Variants in KIAA1328 observed in about 807,000 individuals in gnomAD.
The protein encoded by KIAA1328 is protein hinderin.
A neutral mutation model predicts 68.1 loss-of-function variants in KIAA1328; 52 were observed. The observed-to-expected ratio is 0.76, with a 90% CI of 0.61 to 0.96. The LOEUF (loss-of-function observed/expected upper bound fraction) is 0.96. Ranked by LOEUF, KIAA1328 falls within the 40% of genes least tolerant of loss-of-function variation. KIAA1328 has a pLI of 0.00. For missense variants in KIAA1328, 641 were observed against 677.6 expected (o/e 0.95, Z 0.60); for synonymous variants, 232 against 239.4 (o/e 0.97, Z 0.28).
intron 4 of KIAA1328, among the ~76,000 whole-genome samples, chr18:36,883,969 T>TATATATATATATACAC (rs1032694969): frequency 2.0e-5 from 3 of 148,740 alleles, no homozygotes; most frequent in Admixed American, 6.7e-5. Context: ...TATATATATA[T>TATATATATATATACAC]ACACACACAG....
chr18:36,894,762 C>T (rs953392089), intron 5 of KIAA1328, among the ~76,000 whole-genome samples: 5 of 152,046 alleles, frequency 3.3e-5, no homozygotes, highest in African/African-American at 9.7e-5. Context: ...TGGGCTCAAG[C>T]GATCCTCTCA....
At chr18:37,064,263 C>T (rs1019062716) in intron 6 of KIAA1328, among the ~76,000 whole-genome samples, 3 of 152,164 alleles carry the variant, frequency 2.0e-5, no homozygotes. Context: ...TTACTACAGT[C>T]ATTCAATTAA....
At chr18:37,129,938 A>C (rs2058483004) in intron 7 of KIAA1328, among the ~76,000 whole-genome samples, 1 of 152,202 alleles carries the variant, frequency 6.6e-6, no homozygotes, top group Non-Finnish European at 1.5e-5. Context: ...CACCAATTAA[A>C]GTTGATGAAA....
chr18:37,203,230 CA>C (rs769928728), intron 9 of KIAA1328, among the ~76,000 whole-genome samples: 14 of 152,062 alleles, frequency 9.2e-5, no homozygotes, highest in Non-Finnish European at 1.9e-4. Flanking sequence ...CACCCAATCT[CA>C]GTCAGCTCTG....
At chr18:37,080,992 T>A (rs1599193915) in intron 7 of KIAA1328, among the ~76,000 whole-genome samples, 1 of 151,504 alleles carries the variant, frequency 6.6e-6, no homozygotes, top group Non-Finnish European at 1.5e-5. Flanking sequence ...ATTGGTTGAT[T>A]GATTGATTGA....
chr18:37,192,144 A>AT (rs963139250), intron 9 of KIAA1328, among the ~76,000 whole-genome samples: 1 of 71,124 alleles, frequency 1.4e-5, no homozygotes, highest in African/African-American at 6.1e-5. Flanking sequence ...AAGTCAAGAA[A>AT]TTGTGTGTGT....
At chr18:37,106,026 C>T (rs1478558429) in intron 7 of KIAA1328, among the ~76,000 whole-genome samples, 1 of 150,544 alleles carries the variant, frequency 6.6e-6, no homozygotes, top group East Asian at 1.9e-4. Context: ...ACCTAGCAGT[C>T]CCACTCCTAG....
chr18:37,058,347 C>T (rs1278863656), intron 6 of KIAA1328, among the ~76,000 whole-genome samples: 1 of 152,092 alleles, frequency 6.6e-6, no homozygotes, highest in Non-Finnish European at 1.5e-5. Flanking sequence ...ATAAGGTTCA[C>T]AAATATAATG....
In KIAA1328 at chr18:37,114,720, A is replaced by G. The variant is rs192585494; in HGVS notation, c.1233-45480A>G. 2.2e-4 allele frequency among the ~76,000 whole-genome samples: 33 copies of G among 152,346 alleles called. No homozygotes were observed. The East Asian group carries it at 6.4e-3, about 29-fold the overall frequency. ...CCTTTAGAAAATCAATGAATCCAGGAGCTGGTTTTTTTGAAAAGATCAACA... is the reference window on the plus strand; with the variant it reads ...CCTTTAGAAAATCAATGAATCCAGGGGCTGGTTTTTTTGAAAAGATCAACA... On this transcript the variant is annotated intron_variant, in intron 7 of 9. Coordinates refer to ENST00000280020, the MANE Select transcript of KIAA1328 (RefSeq NM_020776.3).
intron 5 of KIAA1328, among the ~76,000 whole-genome samples, chr18:36,940,422 A>T (rs2151182447): frequency 6.6e-6 from 1 of 152,258 alleles, no homozygotes; most frequent in African/African-American, 2.4e-5. Context: ...CAGGTTGATT[A>T]TATAGAAAGG....
In KIAA1328 at chr18:37,160,391, AC is replaced by A. The variant is rs745757642; in HGVS notation, c.1414+11del. The A allele has an allele frequency of 1.1e-5, 17 of 1,603,950 alleles. No homozygotes were observed. In the East Asian group the frequency reaches 3.8e-4, roughly 36 times the overall value. Reference sequence around the variant, plus strand: ...TGTAGACCCCAAAGAGGTAAGTTTAACAACTGTAGTGGCAAAATGAGAAACT... The same window carrying A: ...TGTAGACCCCAAAGAGGTAAGTTTAAAACTGTAGTGGCAAAATGAGAAACT... On this transcript the variant is annotated intron_variant, in intron 8 of 9. Coordinates refer to ENST00000280020, the MANE Select transcript of KIAA1328 (RefSeq NM_020776.3).
intron 6 of KIAA1328, among the ~76,000 whole-genome samples, chr18:37,004,957 A>G (rs114567741): frequency 0.023 from 3,515 of 152,254 alleles, 135 homozygotes; most frequent in African/African-American, 0.08. Flanking sequence ...AGCCACCTGG[A>G]TGGAACTGGA....
At chr18:37,142,974 A>C (rs1320842152) in intron 7 of KIAA1328, among the ~76,000 whole-genome samples, 2 of 148,748 alleles carry the variant, frequency 1.3e-5, no homozygotes, top group Admixed American at 6.7e-5. Flanking sequence ...TTGTTTTTTA[A>C]GGCAGAGTCT....
At chr18:36,937,972 T>C (rs964037361) in intron 5 of KIAA1328, among the ~76,000 whole-genome samples, 2 of 152,172 alleles carry the variant, frequency 1.3e-5, no homozygotes, top group Admixed American at 1.3e-4. Context: ...CAATATTCCA[T>C]TCTGTATAGT....
At chr18:37,115,016 T>G (rs1217609379) in intron 7 of KIAA1328, among the ~76,000 whole-genome samples, 1 of 152,134 alleles carries the variant, frequency 6.6e-6, no homozygotes, top group African/African-American at 2.4e-5. Context: ...ATTGAGGCAA[T>G]AATTAATAGC....
chr18:37,099,157 TTG>T (rs1164405168), intron 7 of KIAA1328, among the ~76,000 whole-genome samples: 2 of 152,216 alleles, frequency 1.3e-5, no homozygotes, highest in African/African-American at 4.8e-5. Context: ...GTTCTTTTAA[TTG>T]TGATGTTAGG....
At chr18:36,950,885 A>G (rs2051132498) in intron 5 of KIAA1328, among the ~76,000 whole-genome samples, 1 of 152,202 alleles carries the variant, frequency 6.6e-6, no homozygotes, top group East Asian at 1.9e-4. Context: ...TCTCTCCCTG[A>G]CAAGAAAATA....
chr18:36,847,356 C>T (rs1248352014), intron 4 of KIAA1328, among the ~76,000 whole-genome samples: 1 of 151,582 alleles, frequency 6.6e-6, no homozygotes, highest in African/African-American at 2.4e-5. Context: ...TGCCATTTCA[C>T]ATTTCCACTA....
chr18:37,169,042 C>T (rs1229331967), intron 8 of KIAA1328, among the ~76,000 whole-genome samples: 13 of 151,524 alleles, frequency 8.6e-5, no homozygotes, highest in African/African-American at 1.7e-4. Flanking sequence ...AATATATGTG[C>T]GTGTTTATGT....
Sources: allele counts gnomAD v4.1 joint callset (sites outside exome capture counted in the v4.1 genomes callset), GRCh38; gene constraint gnomAD v4.1.1; transcripts MANE v1.5; gene names NCBI Gene and HGNC (gene_info 2026-07-23, HGNC 2026-07-21).